GPX5: variants seen among roughly 807,000 people sequenced by gnomAD.
The protein encoded by GPX5 is glutathione peroxidase 5.
GPX5 carries 20 observed loss-of-function variants against 23.8 expected under a neutral mutation model. The ratio of observed to expected loss-of-function variants is 0.84; its 90% CI spans 0.59 to 1.22. GPX5 has a LOEUF of 1.22. GPX5 is among the 50% of genes most tolerant of loss of function. The probability of loss-of-function intolerance (pLI) is 0.00; values close to 1 mark genes in which losing one functional copy is unlikely to be tolerated. For synonymous variants in GPX5, 92 were observed against 99.5 expected, an observed-to-expected ratio of 0.92 and a Z score of 0.45; for missense variants, 230 against 266.6, an observed-to-expected ratio of 0.86 and a Z score of 0.96.
At chr6:28,527,178 A>C (rs1369569629) in intron 1 of GPX5, 3 of 152,340 alleles carry the variant, frequency 2.0e-5, no homozygotes, top group Middle Eastern at 3.4e-3. Context: ...GGAAGTCTTC[A>C]AATTGAGAGT....
At chr6:28,526,205 T>C in intron 1 of GPX5, 105 bp downstream of exon 1, 1 of 870,590 alleles carries the variant, frequency 1.1e-6, no homozygotes, top group Non-Finnish European at 1.9e-6. Flanking sequence ...TTCTTCTTCT[T>C]TGCCAGTTCC....
rs761764258 is a variant in GPX5 at position 28,534,040 on chromosome 6, G to C, written c.539G>C (p.Arg180Pro). ...SWDPVKVHDI[R>P]WNFEKFLVGP... The stretch of plus-strand genomic sequence containing the variant: ...GACCCTGTAAAGGTCCATGACATCC[G>C]TTGGAACTTTGAAAAGTTCCTGGTG... Residue 180 changes from arginine (R) to proline (P), a missense_variant, in exon 5 of 5, where the codon CGT (arginine) becomes CCT (proline). Physicochemically the swap from Arg to Pro is moderately radical, Grantham distance 103. Coordinates refer to ENST00000412168, the MANE Select transcript of GPX5 (RefSeq NM_001509.3). The C allele has an allele frequency of 9.9e-6, 16 of 1,610,832 alleles. No homozygotes were observed. Among genetic ancestry groups the C allele is most frequent in the South Asian group, 8.8e-5 (8 of 90,532 alleles).
intron 4 of GPX5, among the ~76,000 whole-genome samples, chr6:28,532,635 G>C (rs1457268862): frequency 6.6e-6 from 1 of 152,148 alleles, no homozygotes; most frequent in Non-Finnish European, 1.5e-5. Context: ...GAAGAAAGTT[G>C]TGTGGAATGG....
At chr6:28,531,679 C>G in intron 2 of GPX5, 99 bp from the exon 3 acceptor site, 1 of 757,622 alleles carries the variant, frequency 1.3e-6, no homozygotes, top group Non-Finnish European at 2.2e-6. Context: ...CTCCCTGGGC[C>G]TCTGTTTCCT....
At chr6:28,526,833 C>A (rs914910647) in intron 1 of GPX5, among the ~76,000 whole-genome samples, 2 of 152,180 alleles carry the variant, frequency 1.3e-5, no homozygotes, top group African/African-American at 2.4e-5. Context: ...GACAAATTAA[C>A]CTCTGTTATC....
In GPX5 at chr6:28,534,115, G is replaced by A; in HGVS notation, c.614G>A (p.Ser205Asn). 4 of 1,609,480 alleles carry A rather than the reference G, an allele frequency of 2.5e-6. No individual in the cohort carries two copies. The highest frequency in any genetic ancestry group is 3.4e-6 in the Non-Finnish European group (4 of 1,178,166). ...CGCTGGTCCCACCGGGCTACGGTCA[G>A]CTCAGTCAAGACAGACATCCTGGCG... ...VMRWSHRATV[S>N]SVKTDILAYL... The change falls in exon 5 of 5, where the codon AGC (serine) becomes AAC (asparagine). Residue 205 changes from serine to asparagine, a missense_variant. Ser to Asn is a conservative substitution (Grantham distance 46). Coordinates refer to ENST00000412168, the MANE Select transcript of GPX5 (RefSeq NM_001509.3).
chr6:28,532,388 G>A lies in GPX5; in HGVS notation c.427G>A (p.Glu143Lys). The A allele has an allele frequency of 6.3e-7, 1 of 1,594,180 alleles. No homozygotes were observed. The highest frequency in any genetic ancestry group is 8.5e-7 in the Non-Finnish European group (1 of 1,173,272). Residue 143 changes from glutamate (E) to lysine (K), a missense_variant, in exon 4 of 5, where the codon GAA becomes AAA. Transcript: ENST00000412168. ...QLFEKGDVNG[E>K]KEQKVFSFLK... ...TTTTGAGAAAGGGGATGTGAATGGT[G>A]AAAAAGAACAGAAAGTCTTCAGTTT...
Position 28,534,261 on chromosome 6 carries a change from C to G in GPX5, c.*94C>G. 1.2e-6 allele frequency: 1 copy of G among 831,602 alleles called. No homozygotes were observed. The highest frequency in any genetic ancestry group is 1.8e-6 in the Non-Finnish European group (1 of 549,036). The allele number at this position is 831,602 out of a possible 1,614,324, so 51.5% of individuals were successfully genotyped here. A position where few individuals can be genotyped will look rare whatever the true frequency, so the allele number is the denominator to read the frequency against. The stretch of plus-strand genomic sequence containing the variant: ...AAAAAAGGAATACCCATCTTCTCAC[C>G]ACACTCTCTTCCTGCATGGGCTCCA... On this transcript the variant is annotated 3_prime_UTR_variant, in exon 5 of 5. Transcript: ENST00000412168.
intron 1 of GPX5, chr6:28,527,223 A>G (rs1763223982): frequency 6.6e-6 from 1 of 152,156 alleles, no homozygotes; most frequent in South Asian, 2.1e-4. Flanking sequence ...ACCCAACATG[A>G]CTGTGAGTGA....
At chr6:28,527,546 T>C (rs1763234074) in intron 1 of GPX5, among the ~76,000 whole-genome samples, 1 of 152,226 alleles carries the variant, frequency 6.6e-6, no homozygotes. Context: ...ACTCCTTCTC[T>C]GAATGGGGGG....
chr6:28,531,459 A>C (rs440481), intron 2 of GPX5, among the ~76,000 whole-genome samples: 36,929 of 149,212 alleles, frequency 0.25, 5,465 homozygotes, highest in East Asian at 0.49. Context: ...ATAATAAAGA[A>C]GACTAAGCCC....
Position 28,525,963 on chromosome 6 carries a change from AG to A in GPX5, c.-49del. 7.6e-7 allele frequency: 1 copy of A among 1,311,008 alleles called. No individual in the cohort carries two copies. Among genetic ancestry groups the A allele is most frequent in the Non-Finnish European group, 1.1e-6 (1 of 905,260 alleles). 81.2% of individuals were successfully genotyped at this position (1,311,008 alleles called of 1,614,324 possible). On this transcript the variant is annotated 5_prime_UTR_variant, in exon 1 of 5. An upstream open reading frame in the 5' UTR loses its in-frame stop. Transcript: ENST00000412168. ...CTGCCAAGATACCAAAAGACTGCAGAGGTGGGCAAAGACCTCAGGCCCCCAG... is the reference window on the plus strand; with the variant it reads ...CTGCCAAGATACCAAAAGACTGCAGAGTGGGCAAAGACCTCAGGCCCCCAG...
chr6:28,531,370 CAAAAAAAAAAAAAA>C (rs1193939654), intron 2 of GPX5, among the ~76,000 whole-genome samples: 1 of 50,114 alleles, frequency 2.0e-5, no homozygotes, highest in East Asian at 1.1e-3. Flanking sequence ...GAATCTGTCT[CAAAAAAAAAAAAAA>C]AAAAAAAAAG....
intron 2 of GPX5, among the ~76,000 whole-genome samples, chr6:28,531,171 C>T (rs1310198036): frequency 6.6e-6 from 1 of 151,814 alleles, no homozygotes; most frequent in East Asian, 1.9e-4. Flanking sequence ...GAGAGAAGCT[C>T]AGTCCTGGCT....
chr6:28,532,425 G>C lies in GPX5; in HGVS notation c.459+5G>C, dbSNP rs151120438. The stretch of plus-strand genomic sequence containing the variant: ...AAAGTCTTCAGTTTCTTGAAGGTGA[G>C]TAAATTCCTGGCATAAGCCTCCTCC... On this transcript the variant is annotated splice_donor_5th_base_variant and intron_variant, in intron 4 of 4. Transcript: ENST00000412168. 6.7e-3 allele frequency: 10,348 copies of C among 1,536,762 alleles called. 56 individuals carry two copies. The highest frequency in any genetic ancestry group is 0.036 in the Middle Eastern group (209 of 5,884).
At chr6:28,531,012 A>T (rs576463740) in intron 2 of GPX5, among the ~76,000 whole-genome samples, 2 of 152,324 alleles carry the variant, frequency 1.3e-5, no homozygotes, top group East Asian at 3.9e-4. Context: ...TTTTCAGCAT[A>T]TTACTGAGGA....
Position 28,532,397 on chromosome 6 carries a change from CAG to C in GPX5, c.438_439del (p.Lys147SerfsTer14). 1.3e-6 allele frequency: 2 copies of C among 1,590,782 alleles called. No individual in the cohort carries two copies. Among genetic ancestry groups the C allele is most frequent in the Non-Finnish European group, 1.7e-6 (2 of 1,171,154 alleles). ...EKGDVNGEKE[Q>X]KVFSFLKHSC... ...AGGGGATGTGAATGGTGAAAAAGAACAGAAAGTCTTCAGTTTCTTGAAGGTGA... is the reference window on the plus strand; with the variant it reads ...AGGGGATGTGAATGGTGAAAAAGAACAAAGTCTTCAGTTTCTTGAAGGTGA... On this transcript the variant is annotated frameshift_variant, in exon 4 of 5. Coordinates refer to ENST00000412168, the MANE Select transcript of GPX5 (RefSeq NM_001509.3). LOFTEE classifies it high-confidence loss of function.
At position 28,534,634 on chromosome 6, in the gene GPX5, ACGTGT is replaced by A. The variant is rs1297947622; in HGVS notation, c.*468_*472del. 6.5e-6 allele frequency: 1 copy of A among 153,992 alleles called. No homozygotes were observed. Among genetic ancestry groups the A allele is most frequent in the African/African-American group, 2.4e-5 (1 of 41,488 alleles). The allele number at this position is 153,992 out of a possible 1,614,324, so 9.5% of individuals were successfully genotyped here. ...TAACATTTTTTGTCTCCTAGGACAA[ACGTGT>A]ATCATCAGTTTCCAACTGTTTTGGC... On this transcript the variant is annotated 3_prime_UTR_variant, in exon 5 of 5. Coordinates refer to ENST00000412168, the MANE Select transcript of GPX5 (RefSeq NM_001509.3).
chr6:28,531,087 C>T (rs1472852944), intron 2 of GPX5, among the ~76,000 whole-genome samples: 1 of 152,074 alleles, frequency 6.6e-6, no homozygotes, highest in African/African-American at 2.4e-5. Context: ...TTGTTGATTT[C>T]AGATTTCTCT....
Sources: allele counts gnomAD v4.1 joint callset (sites outside exome capture counted in the v4.1 genomes callset), GRCh38; gene constraint gnomAD v4.1.1; transcripts MANE v1.5; gene names NCBI Gene and HGNC (gene_info 2026-07-23, HGNC 2026-07-21).